The following RUNX1T1 variants were observed in gnomAD, a reference collection of about 807,000 sequenced individuals.
The protein encoded by RUNX1T1 is RUNX1 partner transcriptional co-repressor 1.
In RUNX1T1, 4 loss-of-function variants were observed where a neutral mutation model predicts 62.8. That is an observed-to-expected ratio of 0.06 (90% CI 0.03 to 0.15). The LOEUF (loss-of-function observed/expected upper bound fraction) is 0.15, where lower values mean the gene tolerates loss of function less well. RUNX1T1 is among the 10% of genes least tolerant of loss of function. The probability of loss-of-function intolerance (pLI) is 1.00; values close to 1 mark genes in which losing one functional copy is unlikely to be tolerated. For synonymous variants in RUNX1T1, 291 were observed against 286.0 expected (o/e 1.02, Z -0.18); for missense variants, 508 against 754.3 (o/e 0.67, Z 3.82).
chr8:92,071,449 T>C (rs1431164660), intron 2 of RUNX1T1: 4 of 151,872 alleles, frequency 2.6e-5, no homozygotes, highest in African/African-American at 4.8e-5. Flanking sequence ...CTGAAACAGA[T>C]TGTTTCATAG....
chr8:92,095,689 G>GC, intron 1 of RUNX1T1: 1 of 811,640 alleles, frequency 1.2e-6, no homozygotes, highest in South Asian at 2.7e-5. Context: ...AGGAGGGATG[G>GC]AGGAGGGGGC....
chr8:92,092,589 C>A (rs760119122), intron 1 of RUNX1T1, among the ~76,000 whole-genome samples: 2 of 152,024 alleles, frequency 1.3e-5, no homozygotes, highest in African/African-American at 2.4e-5. Context: ...TACAACAGTC[C>A]GGCAGTAAGT....
chr8:91,957,013 T>G (rs1445492309), downstream of RUNX1T1: 4 of 212,938 alleles, frequency 1.9e-5, no homozygotes, highest in South Asian at 1.9e-4. Flanking sequence ...CAGGTGGCCC[T>G]GTCACACACA....
rs1370769646 is a variant in RUNX1T1, at chr8:92,075,841, G to C, written c.88+124C>G. On this transcript the variant is annotated intron_variant, in intron 2 of 11. Coordinates refer to the RUNX1T1 transcript ENST00000265814. ...AGACAAATGTTTAAAACATACAATA[G>C]AACAGGCACTAGAAGAAGGAAGAAA... 6.0e-6 allele frequency: 5 copies of C among 830,578 alleles called. No homozygotes were observed. The South Asian group carries it at 7.5e-5, about 12-fold the overall frequency. 51.5% of individuals were successfully genotyped at this position (830,578 alleles called of 1,614,324 possible). A position where few individuals can be genotyped will look rare whatever the true frequency, so the allele number is the denominator to read the frequency against.
intron 1 of RUNX1T1, among the ~76,000 whole-genome samples, chr8:92,085,996 T>A (rs1836051219): frequency 6.6e-6 from 1 of 152,274 alleles, no homozygotes; most frequent in Non-Finnish European, 1.5e-5. Flanking sequence ...CAGTAGATTT[T>A]AATGCATTTT....
intron 5 of RUNX1T1, among the ~76,000 whole-genome samples, chr8:92,000,619 G>A (rs1430443902): frequency 6.6e-6 from 1 of 152,018 alleles, no homozygotes; most frequent in Admixed American, 6.5e-5. Flanking sequence ...CAAAAAAATG[G>A]ACCTATTCAG....
intron 2 of RUNX1T1, 88 bp downstream of exon 3, chr8:92,017,138 T>C: frequency 2.0e-6 from 2 of 1,025,460 alleles, no homozygotes; most frequent in Non-Finnish European, 2.9e-6. Context: ...TGATGCTGAA[T>C]TTTATTTTCC....
chr8:91,980,864 G>A (rs1466878216), intron 8 of RUNX1T1, among the ~76,000 whole-genome samples: 1 of 151,908 alleles, frequency 6.6e-6, no homozygotes, highest in African/African-American at 2.4e-5. Flanking sequence ...TAGAGATGGG[G>A]TCTCACTATG....
At chr8:92,095,338 G>T (rs1222457955) in intron 1 of RUNX1T1, 7 of 1,533,782 alleles carry the variant, frequency 4.6e-6, no homozygotes, top group Non-Finnish European at 6.1e-6. Context: ...CCCTGTTCAC[G>T]GAGATTACCT....
At chr8:92,017,025 T>C (rs953834616) in intron 2 of RUNX1T1, among the ~76,000 whole-genome samples, 1 of 152,202 alleles carries the variant, frequency 6.6e-6, no homozygotes, top group African/African-American at 2.4e-5. Flanking sequence ...AAGGCAAATA[T>C]TGGCAGTCAC....
intron 3 of RUNX1T1, among the ~76,000 whole-genome samples, chr8:92,012,935 A>G (rs1299534901): frequency 6.6e-6 from 1 of 152,240 alleles, no homozygotes; most frequent in East Asian, 1.9e-4. Context: ...TAAAAAATAT[A>G]TTTTTTAAAA....
At chr8:91,968,492 T>C (rs887081886) in intron 10 of RUNX1T1, among the ~76,000 whole-genome samples, 2 of 152,186 alleles carry the variant, frequency 1.3e-5, no homozygotes, top group African/African-American at 2.4e-5. Context: ...ATGGGCCTTA[T>C]TGGGCGTAAA....
chr8:92,018,188 T>C (rs1388909440), intron 1 of RUNX1T1, among the ~76,000 whole-genome samples: 3 of 152,248 alleles, frequency 2.0e-5, no homozygotes, highest in African/African-American at 7.2e-5. Flanking sequence ...CTGCTGTAAG[T>C]ATACTTTTCC....
At chr8:92,099,214 T>G (rs1202987140) in intron 1 of RUNX1T1, among the ~76,000 whole-genome samples, 1 of 152,228 alleles carries the variant, frequency 6.6e-6, no homozygotes, top group African/African-American at 2.4e-5. Flanking sequence ...ATTTTTTTCT[T>G]ATAGATTTTA....
At chr8:91,996,336 G>A (rs1373971262) in intron 5 of RUNX1T1, among the ~76,000 whole-genome samples, 2 of 152,086 alleles carry the variant, frequency 1.3e-5, no homozygotes, top group Non-Finnish European at 2.9e-5. Flanking sequence ...TGAGTAGCTG[G>A]GACTACAGGC....
In RUNX1T1 at chr8:92,047,399, C is replaced by T. The variant is rs77411736; in HGVS notation, c.7+15147G>A. 1.6e-4 allele frequency among the ~76,000 whole-genome samples: 24 copies of T among 152,258 alleles called. No individual in the cohort carries two copies. The East Asian group carries it at 4.6e-3, about 29-fold the overall frequency. ...CCCTGCTCCAACAGCCCTACAGACC[C>T]TCCTTATCCTGATTTTCCATAATTA... is the stretch of plus-strand genomic sequence containing the variant. On this transcript the variant is annotated intron_variant, in intron 1 of 10. Coordinates refer to ENST00000396218, the Ensembl canonical transcript of RUNX1T1.
At chr8:92,095,053 G>A (rs1837585897) in intron 1 of RUNX1T1, 1 of 1,535,620 alleles carries the variant, frequency 6.5e-7, no homozygotes, top group Non-Finnish European at 8.7e-7. Context: ...CTGGATAGCA[G>A]AGGTGATGGG....
intron 7 of RUNX1T1, among the ~76,000 whole-genome samples, chr8:91,986,654 T>C (rs536638079): frequency 6.6e-6 from 1 of 152,354 alleles, no homozygotes; most frequent in Non-Finnish European, 1.5e-5. Flanking sequence ...AGCCCACCGA[T>C]CTGGCTTTGA....
At chr8:92,014,760 C>T in exon 3 of RUNX1T1, 1 of 1,613,808 alleles carries the variant, frequency 6.2e-7, no homozygotes, top group Non-Finnish European at 8.5e-7. Flanking sequence ...ATTGCTGAAG[C>T]CATTGGGTGG....
Sources: gnomAD v4.1 joint callset for allele counts (sites outside exome capture counted in the v4.1 genomes callset) on GRCh38, gnomAD v4.1.1 for gene constraint, MANE v1.5 for transcripts, NCBI Gene and HGNC (gene_info 2026-07-23, HGNC 2026-07-21) for gene names.